Variants in TRDN observed in about 807,000 individuals in gnomAD.
The protein encoded by TRDN is triadin in skeletal muscle.
TRDN carries 161 observed loss-of-function variants against 149.7 expected under a neutral mutation model. That is an observed-to-expected ratio of 1.08 (90% CI 0.95 to 1.23). The LOEUF is 1.23. Ranked by LOEUF, TRDN falls within the 50% of genes most tolerant of loss-of-function variation. The pLI is 0.00. For synonymous variants in TRDN, 294 were observed against 250.5 expected, an observed-to-expected ratio of 1.17 and a Z score of -1.64; for missense variants, 896 against 823.5, an observed-to-expected ratio of 1.09 and a Z score of -1.08.
intron 10 of TRDN, among the ~76,000 whole-genome samples, chr6:123,444,779 A>C (rs1256262425): frequency 6.6e-6 from 1 of 152,152 alleles, no homozygotes; most frequent in Non-Finnish European, 1.5e-5. Flanking sequence ...TGAGATAATT[A>C]TGTGGTTTTT....
chr6:123,493,721 T>C (rs2114803306), intron 9 of TRDN, among the ~76,000 whole-genome samples: 1 of 152,270 alleles, frequency 6.6e-6, no homozygotes, highest in African/African-American at 2.4e-5. Context: ...GTTTTATAAG[T>C]AGTGGATACA....
intron 12 of TRDN, among the ~76,000 whole-genome samples, chr6:123,416,238 GC>G (rs1285573974): frequency 2.0e-5 from 3 of 152,056 alleles, no homozygotes; most frequent in Non-Finnish European, 4.4e-5. Flanking sequence ...CTGTACTCAG[GC>G]CCTTTGAAAG....
At chr6:123,244,773 A>G (rs1478458374) in intron 38 of TRDN, among the ~76,000 whole-genome samples, 1 of 152,182 alleles carries the variant, frequency 6.6e-6, no homozygotes, top group Non-Finnish European at 1.5e-5. Flanking sequence ...CAAGAAGAGT[A>G]ACTCCAAGAC....
At chr6:123,454,570 A>G (rs1363582454) in intron 10 of TRDN, among the ~76,000 whole-genome samples, 1 of 152,180 alleles carries the variant, frequency 6.6e-6, no homozygotes, top group East Asian at 1.9e-4. Flanking sequence ...CCAACTTCAC[A>G]GGTCATATGA....
intron 19 of TRDN, among the ~76,000 whole-genome samples, chr6:123,368,610 C>T (rs1216588083): frequency 6.6e-6 from 1 of 152,192 alleles, no homozygotes; most frequent in Non-Finnish European, 1.5e-5. Context: ...CATACAATTA[C>T]ATGATCTCTG....
At chr6:123,482,029 C>T (rs1777772122) in intron 9 of TRDN, among the ~76,000 whole-genome samples, 1 of 152,202 alleles carries the variant, frequency 6.6e-6, no homozygotes, top group South Asian at 2.1e-4. Context: ...AATGTTGCAA[C>T]TGTAATACCT....
chr6:123,605,147 T>C (rs1052513426), intron 1 of TRDN, among the ~76,000 whole-genome samples: 1 of 151,488 alleles, frequency 6.6e-6, no homozygotes, highest in African/African-American at 2.4e-5. Flanking sequence ...TGTAACAAAG[T>C]AGCCAGGTGG....
At chr6:123,625,066 C>CTTTTTTTTTTT (rs3064015) in intron 1 of TRDN, among the ~76,000 whole-genome samples, 1 of 144,454 alleles carries the variant, frequency 6.9e-6, no homozygotes. Flanking sequence ...CTTCCTGTCT[C>CTTTTTTTTTTT]TTTTTTTTTT....
chr6:123,335,628 A>C lies in TRDN; in HGVS notation c.1420+1991T>G, dbSNP rs183892154. ...CTCCAACTAGTTTAAGCTTTGGTAC[A>C]TGTGAAGATTTTAAGTAATAGTTAA... On this transcript the variant is annotated intron_variant, in intron 22 of 40. Coordinates refer to ENST00000334268, the MANE Select transcript of TRDN (RefSeq NM_006073.4). Among the ~76,000 whole-genome samples the C allele has an allele frequency of 1.5e-3, 231 of 152,032 alleles. 1 individual carries two copies. The highest frequency in any genetic ancestry group is 4.8e-3 in the South Asian group (23 of 4,824).
intron 8 of TRDN, among the ~76,000 whole-genome samples, chr6:123,499,047 T>A (rs1441111983): frequency 6.6e-6 from 1 of 152,016 alleles, no homozygotes; most frequent in Non-Finnish European, 1.5e-5. Context: ...CTTAGATGAA[T>A]CTAATTAGAC....
At chr6:123,460,613 A>C (rs1776393901) in intron 10 of TRDN, among the ~76,000 whole-genome samples, 1 of 152,128 alleles carries the variant, frequency 6.6e-6, no homozygotes, top group Non-Finnish European at 1.5e-5. Flanking sequence ...ATGAAATAAA[A>C]ATTGAGGCCA....
intron 12 of TRDN, among the ~76,000 whole-genome samples, chr6:123,415,603 G>A (rs1029244407): frequency 2.0e-5 from 3 of 152,110 alleles, no homozygotes; most frequent in Non-Finnish European, 1.5e-5. Flanking sequence ...AATAGTAAGT[G>A]TACTAGCCAA....
rs1021917463 is a variant in TRDN, at chr6:123,501,964, C to G, written c.793+1755G>C. 1.4e-5 allele frequency: 14 copies of G among 984,950 alleles called. No individual in the cohort carries two copies. The African/African-American group carries it at 2.4e-4, about 17-fold the overall frequency. 61.0% of individuals were successfully genotyped at this position (984,950 alleles called of 1,614,324 possible). A position where few individuals can be genotyped will look rare whatever the true frequency, so the allele number is the denominator to read the frequency against. On this transcript the variant is annotated intron_variant, in intron 8 of 40. Coordinates refer to ENST00000334268, the MANE Select transcript of TRDN (RefSeq NM_006073.4). ...TATCAATAAAATGTGGCTCCCAAAT[C>G]CCCAAAGATATGAAAAATTAACATC...
intron 12 of TRDN, among the ~76,000 whole-genome samples, chr6:123,410,078 A>T (rs1773368563): frequency 6.6e-6 from 1 of 152,246 alleles, no homozygotes; most frequent in South Asian, 2.1e-4. Flanking sequence ...TTAAGACTTT[A>T]TCCTAGGGAC....
Position 123,259,625 on chromosome 6 carries a change from T to C in TRDN, c.1869A>G (p.Lys623=). 6.8e-7 allele frequency: 1 copy of C among 1,473,742 alleles called. No individual in the cohort carries two copies. Among genetic ancestry groups the C allele is most frequent in the Non-Finnish European group, 9.2e-7 (1 of 1,088,170 alleles). 91.3% of individuals were successfully genotyped at this position (1,473,742 alleles called of 1,614,324 possible). A position where few individuals can be genotyped will look rare whatever the true frequency, so the allele number is the denominator to read the frequency against. The part of the protein sequence containing the change: ...KKTEISEKES[K]EKADMKHLRE... The stretch of plus-strand genomic sequence containing the variant: ...TATGTCTTAAAATGTCATTTTTACC[T>C]TTACTTTCTTTTTCAGATATTTCAG... Residue 623 remains lysine, a splice_region_variant and synonymous_variant, in exon 35 of 41, where the codon AAA becomes AAG. Transcript: ENST00000334268.
intron 1 of TRDN, among the ~76,000 whole-genome samples, chr6:123,577,983 G>A (rs1026844005): frequency 6.6e-6 from 1 of 152,056 alleles, no homozygotes; most frequent in South Asian, 2.1e-4. Flanking sequence ...TAATGGAGTT[G>A]TTTGTTGTCC....
rs371896609 is a variant in TRDN at position 123,493,716 on chromosome 6, A to G, written c.853+3477T>C. ...AAACAGATGGAAGCGCAAATGTTTT[A>G]TAAGTAGTGGATACATGCAGAGCAA... is the stretch of plus-strand genomic sequence containing the variant. On this transcript the variant is annotated intron_variant, in intron 9 of 40. Coordinates refer to ENST00000334268, the MANE Select transcript of TRDN (RefSeq NM_006073.4). Among the ~76,000 whole-genome samples, 19 of 152,318 alleles carry G rather than the reference A, an allele frequency of 1.2e-4. No individual in the cohort carries two copies. The East Asian group carries it at 1.7e-3, about 14-fold the overall frequency.
chr6:123,333,450 G>A (rs1253500157), intron 22 of TRDN, among the ~76,000 whole-genome samples: 4 of 152,074 alleles, frequency 2.6e-5, no homozygotes, highest in African/African-American at 7.2e-5. Flanking sequence ...AATACCGTAA[G>A]CTTTGGAGAA....
intron 12 of TRDN, among the ~76,000 whole-genome samples, chr6:123,410,942 C>T (rs1050956320): frequency 6.6e-6 from 1 of 151,524 alleles, no homozygotes; most frequent in Non-Finnish European, 1.5e-5. Context: ...TTATTATACC[C>T]AATACTAATA....
Sources: allele counts gnomAD v4.1 joint callset (sites outside exome capture counted in the v4.1 genomes callset), GRCh38; gene constraint gnomAD v4.1.1; transcripts MANE v1.5; gene names NCBI Gene and HGNC (gene_info 2026-07-23, HGNC 2026-07-21).